VPS13B: variants seen among roughly 807,000 people sequenced by gnomAD.
VPS13B encodes intermembrane lipid transfer protein VPS13B.
VPS13B carries 285 observed loss-of-function variants against 426.4 expected under a neutral mutation model. The observed-to-expected ratio is 0.67, with a 90% CI of 0.61 to 0.74. The LOEUF is 0.74. Among genes scored for constraint, VPS13B ranks in the 30% least tolerant of loss-of-function variants. The pLI, the probability that VPS13B is intolerant of heterozygous loss-of-function variation, is 0.00. For missense variants in VPS13B, 4,537 were observed against 4,782.6 expected (o/e 0.95, Z 1.51); for synonymous variants, 1,676 against 1,676.4 (o/e 1.00, Z 0.01).
intron 19 of VPS13B, among the ~76,000 whole-genome samples, chr8:99,379,949 T>A (rs1309090972): frequency 6.6e-5 from 10 of 152,208 alleles, no homozygotes; most frequent in Admixed American, 2.0e-4. Flanking sequence ...TTCCTGAATT[T>A]AAATAAACCT....
intron 23 of VPS13B, among the ~76,000 whole-genome samples, chr8:99,443,705 G>T (rs1323533777): frequency 6.6e-6 from 1 of 151,942 alleles, no homozygotes; most frequent in African/African-American, 2.4e-5. Context: ...AAATTTTTTT[G>T]ATTCATTCAT....
At chr8:99,715,092 C>CT (rs201865475) in intron 36 of VPS13B, among the ~76,000 whole-genome samples, 6,331 of 141,914 alleles carry the variant, frequency 0.045, 142 homozygotes, top group East Asian at 0.06. Context: ...AAATAGAAAG[C>CT]TTTTTTTTTT....
rs944290492 is a variant in VPS13B at position 99,779,170 on chromosome 8, T to C, written c.7779+139T>C. On this transcript the variant is annotated intron_variant, in intron 42 of 61. Coordinates refer to ENST00000357162, the MANE Select transcript of VPS13B (RefSeq NM_152564.5). ...AGAATTTGATGGGCACCATTATACT[T>C]GAGGCCTTCTCTGTTTTGGCAAAGT... 9 of 876,422 alleles carry C rather than the reference T, an allele frequency of 1.0e-5. No individual in the cohort carries two copies. In the Admixed American group the frequency reaches 1.2e-4, roughly 12 times the overall value. The allele number at this position is 876,422 out of a possible 1,614,324, so 54.3% of individuals were successfully genotyped here.
At chr8:99,570,614 AT>A (rs1420030993) in intron 31 of VPS13B, among the ~76,000 whole-genome samples, 1 of 151,716 alleles carries the variant, frequency 6.6e-6, no homozygotes, top group Non-Finnish European at 1.5e-5. Context: ...TTTAAGCAAA[AT>A]TTTTATTGTA....
chr8:99,514,853 G>A (rs963272210), intron 29 of VPS13B, among the ~76,000 whole-genome samples: 7 of 152,108 alleles, frequency 4.6e-5, no homozygotes, highest in Non-Finnish European at 1.0e-4. Flanking sequence ...TTCTGTTTTT[G>A]AGGAACCACC....
chr8:99,591,384 TC>T (rs1343639849), intron 33 of VPS13B, among the ~76,000 whole-genome samples: 1 of 152,098 alleles, frequency 6.6e-6, no homozygotes, highest in African/African-American at 2.4e-5. Context: ...GTGAATTTGA[TC>T]CTGTCATTAT....
At chr8:99,027,891 CT>C (rs917222875) in intron 2 of VPS13B, among the ~76,000 whole-genome samples, 9 of 152,192 alleles carry the variant, frequency 5.9e-5, no homozygotes, top group African/African-American at 1.9e-4. Context: ...ACCCTGCGGC[CT>C]TCCGCAGTGT....
At chr8:99,234,560 C>T (rs891207162) in intron 17 of VPS13B, 4 of 435,490 alleles carry the variant, frequency 9.2e-6, no homozygotes, top group African/African-American at 2.0e-5. Flanking sequence ...TCGGGGGCCG[C>T]GTGGCTGGGA....
Position 99,565,916 on chromosome 8 carries a change from C to T in VPS13B, c.4949+9263C>T, listed in dbSNP as rs77695391. 7.2e-5 allele frequency among the ~76,000 whole-genome samples: 11 copies of T among 152,252 alleles called. No homozygotes were observed. The East Asian group carries it at 7.7e-4, about 11-fold the overall frequency. ...AATTCTCATACTTTGTAGGTTAATG[C>T]CTAGATTGACCTAAACCTACTTGAA... On this transcript the variant is annotated intron_variant, in intron 31 of 61. Coordinates refer to ENST00000357162, the MANE Select transcript of VPS13B (RefSeq NM_152564.5).
chr8:99,090,993 A>G (rs1336748415), intron 3 of VPS13B, among the ~76,000 whole-genome samples: 1 of 152,196 alleles, frequency 6.6e-6, no homozygotes, highest in Non-Finnish European at 1.5e-5. Context: ...CATACCCACC[A>G]ATATGAAGGA....
chr8:99,440,074 CT>C (rs1240039071), intron 22 of VPS13B, among the ~76,000 whole-genome samples: 2 of 152,128 alleles, frequency 1.3e-5, no homozygotes, highest in Non-Finnish European at 2.9e-5. Flanking sequence ...GGTGGTTCCA[CT>C]TCAAGAATTT....
chr8:99,286,253 G>A (rs1251174066), intron 19 of VPS13B, among the ~76,000 whole-genome samples: 1 of 152,140 alleles, frequency 6.6e-6, no homozygotes, highest in Non-Finnish European at 1.5e-5. Flanking sequence ...CCTATTGTTC[G>A]CAGGTACATA....
intron 33 of VPS13B, among the ~76,000 whole-genome samples, chr8:99,630,880 G>A (rs746544964): frequency 6.6e-6 from 1 of 152,070 alleles, no homozygotes; most frequent in Non-Finnish European, 1.5e-5. Context: ...GGGTCAGTGA[G>A]AAAGTAAAAA....
chr8:99,426,412 A>C (rs368606461), intron 21 of VPS13B, among the ~76,000 whole-genome samples: 46 of 27,574 alleles, frequency 1.7e-3, no homozygotes, highest in African/African-American at 7.0e-3. Context: ...ATTTATAGTC[A>C]TTTGGGTATA....
intron 21 of VPS13B, among the ~76,000 whole-genome samples, chr8:99,421,996 A>G (rs1816402358): frequency 6.6e-6 from 1 of 152,088 alleles, no homozygotes; most frequent in South Asian, 2.1e-4. Context: ...AGGTTAATAA[A>G]TTTGTAAAGC....
intron 17 of VPS13B, chr8:99,233,012 C>T: frequency 1.2e-6 from 1 of 845,292 alleles, no homozygotes; most frequent in East Asian, 2.4e-5. Context: ...GGAAGGGCTC[C>T]ATTCATCTGT....
intron 37 of VPS13B, among the ~76,000 whole-genome samples, chr8:99,717,994 C>T (rs368418147): frequency 1.4e-4 from 22 of 151,832 alleles, no homozygotes; most frequent in South Asian, 2.1e-4. Context: ...CATTTGTGTA[C>T]GACTTTTTGT....
At chr8:99,757,750 C>A (rs1810711999) in intron 39 of VPS13B, among the ~76,000 whole-genome samples, 2 of 152,206 alleles carry the variant, frequency 1.3e-5, no homozygotes. Context: ...CTCTTACCAA[C>A]TGGCAGATAT....
chr8:99,783,508 A>G (rs1423715256), intron 42 of VPS13B, among the ~76,000 whole-genome samples: 2 of 152,184 alleles, frequency 1.3e-5, no homozygotes, highest in African/African-American at 2.4e-5. Flanking sequence ...GAAATACTTT[A>G]TTACTTTGCC....
Sources: allele counts gnomAD v4.1 joint callset (sites outside exome capture counted in the v4.1 genomes callset), GRCh38; gene constraint gnomAD v4.1.1; transcripts MANE v1.5; gene names NCBI Gene and HGNC (gene_info 2026-07-23, HGNC 2026-07-21).